EFCAB7: variants seen among roughly 807,000 people sequenced by gnomAD.
EFCAB7 encodes the protein EF-hand calcium binding domain 7, also known as EF-hand calcium-binding domain-containing protein 7.
In EFCAB7, 66 loss-of-function variants were observed where a neutral mutation model predicts 77.1. The ratio of observed to expected loss-of-function variants is 0.86; its 90% CI spans 0.70 to 1.05. The LOEUF (loss-of-function observed/expected upper bound fraction) is 1.05. Ranked by LOEUF, EFCAB7 falls within the 50% of genes least tolerant of loss-of-function variation. The pLI is 0.00. For synonymous variants in EFCAB7, 225 were observed against 243.3 expected, an observed-to-expected ratio of 0.92 and a Z score of 0.70; for missense variants, 638 against 730.5, an observed-to-expected ratio of 0.87 and a Z score of 1.46.
At chr1:63,580,428 A>C in the EFCAB7 span, among the ~76,000 whole-genome samples, 2 of 152,066 alleles carry the variant, frequency 1.3e-5, no homozygotes, top group African/African-American at 2.4e-5. Flanking sequence ...TGTTCCATTG[A>C]TCGATGTGTC....
downstream of EFCAB7, among the ~76,000 whole-genome samples, chr1:63,575,203 T>A (rs17125139): frequency 1.3e-5 from 2 of 151,830 alleles, no homozygotes; most frequent in African/African-American, 4.8e-5. Flanking sequence ...AAATTTAAAG[T>A]TTAAGTATCA....
At chr1:63,550,618 A>C (rs1646952750) in intron 7 of EFCAB7, 1 of 149,962 alleles carries the variant, frequency 6.7e-6, no homozygotes, top group Admixed American at 6.6e-5. Context: ...AGCAACATTA[A>C]AAATAGATTT....
intron 5 of EFCAB7, 102 bp from the exon 6 acceptor site, chr1:63,533,993 T>C: frequency 1.6e-6 from 2 of 1,272,138 alleles, no homozygotes; most frequent in Non-Finnish European, 2.2e-6. Flanking sequence ...ACAAAGAGAA[T>C]CAAAGTAATA....
At chr1:63,537,041 A>G (rs1557673946) in intron 6 of EFCAB7, among the ~76,000 whole-genome samples, 1 of 152,234 alleles carries the variant, frequency 6.6e-6, no homozygotes. Flanking sequence ...TAAACCACAA[A>G]ACCACACAAT....
the EFCAB7 span, among the ~76,000 whole-genome samples, chr1:63,583,938 CAAAAAAA>C: frequency 3.6e-5 from 3 of 82,638 alleles, no homozygotes; most frequent in East Asian, 3.6e-4. Flanking sequence ...TGGATATGGC[CAAAAAAA>C]AAAAAAAAAA....
intron 2 of EFCAB7, among the ~76,000 whole-genome samples, chr1:63,527,424 A>G (rs756321298): frequency 7.1e-4 from 73 of 102,352 alleles, no homozygotes; most frequent in Non-Finnish European, 6.6e-4. Flanking sequence ...CCTTTCATCT[A>G]TATCCTTCTG....
chr1:63,545,913 C>T lies in EFCAB7; in HGVS notation c.805-3C>T, dbSNP rs1288328179. On this transcript the variant is annotated splice_polypyrimidine_tract_variant and splice_region_variant and intron_variant, in intron 6 of 13. Transcript: ENST00000371088. ...TTTGAAATAATTTTTTCCTTCATTT[C>T]AGGACTGGCAACACATGCAATCAAA... The T allele has an allele frequency of 6.2e-7, 1 of 1,611,928 alleles. No individual in the cohort carries two copies. The highest frequency in any genetic ancestry group is 1.7e-4 in the Middle Eastern group (1 of 6,040).
In EFCAB7 at chr1:63,531,858, A is replaced by G; in HGVS notation, c.226A>G (p.Ile76Val). The change falls in exon 3 of 14, where the codon ATT becomes GTT. Residue 76 changes from isoleucine (I) to valine (V), a missense_variant. By Grantham distance (29) the Ile-to-Val change is conservative (BLOSUM62 3). Transcript: ENST00000371088. ...AGGAAGAAATCCATCCCAAAAGACC[A>G]TTAATAAGTATTGGACTCCTCAAAC... ...HAGRNPSQKT[I>V]NKYWTPQTAK... 1 of 1,612,830 alleles carries G rather than the reference A, an allele frequency of 6.2e-7. No homozygotes were observed. Among genetic ancestry groups the G allele is most frequent in the Non-Finnish European group, 8.5e-7 (1 of 1,179,452 alleles).
In EFCAB7 at chr1:63,549,905, A is replaced by G. The variant is rs78135692; in HGVS notation, c.947-1820A>G. On this transcript the variant is annotated intron_variant, in intron 7 of 13. Transcript: ENST00000371088. Reference sequence around the variant, plus strand: ...GGTTTATTTATTTATAAATCATGGAATTTATGCAAAAAACATGAGTAGTAC... The same window carrying G: ...GGTTTATTTATTTATAAATCATGGAGTTTATGCAAAAAACATGAGTAGTAC... 69 of 156,612 alleles carry G rather than the reference A, an allele frequency of 4.4e-4. No homozygotes were observed. In the East Asian group the frequency reaches 0.012, roughly 27 times the overall value. 9.7% of individuals were successfully genotyped at this position (156,612 alleles called of 1,614,324 possible). A position where few individuals can be genotyped will look rare whatever the true frequency, so the allele number is the denominator to read the frequency against.
chr1:63,555,293 G>T, intron 8 of EFCAB7, 65 bp from the exon 9 acceptor site: 1 of 1,488,472 alleles, frequency 6.7e-7, no homozygotes, highest in Non-Finnish European at 9.0e-7. Flanking sequence ...AATATTAAAA[G>T]CTTTAAATTA....
At chr1:63,560,597 A>G (rs996513710) in intron 10 of EFCAB7, among the ~76,000 whole-genome samples, 7 of 144,666 alleles carry the variant, frequency 4.8e-5, no homozygotes, top group African/African-American at 1.8e-4. Context: ...GCTCACTGCA[A>G]CCTCCGCCTC....
At chr1:63,527,022 C>G (rs994307335) in intron 2 of EFCAB7, among the ~76,000 whole-genome samples, 12 of 152,238 alleles carry the variant, frequency 7.9e-5, no homozygotes, top group African/African-American at 2.9e-4. Flanking sequence ...GCCTCGGCCT[C>G]CCAAAGTGCT....
chr1:63,542,882 C>G (rs1646846966), intron 6 of EFCAB7, among the ~76,000 whole-genome samples: 1 of 152,124 alleles, frequency 6.6e-6, no homozygotes, highest in Admixed American at 6.5e-5. Context: ...ATGTGATTTG[C>G]AAATAATTTC....
At chr1:63,570,916 C>T in intron 12 of EFCAB7, 105 bp from the exon 13 acceptor site, 2 of 635,784 alleles carry the variant, frequency 3.1e-6, no homozygotes, top group Non-Finnish European at 5.0e-6. Context: ...ATTTGTAGTG[C>T]ACTATATGAT....
At position 63,534,162 on chromosome 1, in the gene EFCAB7, C is replaced by A. The variant is rs1309248158; in HGVS notation, c.750C>A (p.Thr250=). ...AAACATCTGTTTCCTTCACAGTTACCATGGGGGCTAATGGTAACCGAAACT... is the reference window on the plus strand; with the variant it reads ...AAACATCTGTTTCCTTCACAGTTACAATGGGGGCTAATGGTAACCGAAACT... ...KFKTSVSFTV[T]MGANGNRNSK... is the part of the protein sequence containing the mutation. The change falls in exon 6 of 14, where the codon ACC becomes ACA. Residue 250 remains threonine (T), a synonymous_variant. Coordinates refer to ENST00000371088, the MANE Select transcript of EFCAB7 (RefSeq NM_032437.4). 6.2e-7 allele frequency: 1 copy of A among 1,613,252 alleles called. No individual in the cohort carries two copies. Among genetic ancestry groups the A allele is most frequent in the Admixed American group, 1.7e-5 (1 of 59,970 alleles).
chr1:63,560,895 T>G (rs973310656), intron 10 of EFCAB7, among the ~76,000 whole-genome samples: 1 of 152,216 alleles, frequency 6.6e-6, no homozygotes, highest in African/African-American at 2.4e-5. Context: ...CTCACAATAA[T>G]GCACACAAAA....
chr1:63,551,805 G>A lies in EFCAB7; in HGVS notation c.1027G>A (p.Val343Met). 1 of 1,594,254 alleles carries A rather than the reference G, an allele frequency of 6.3e-7. No individual in the cohort carries two copies. Among genetic ancestry groups the A allele is most frequent in the Non-Finnish European group, 8.5e-7 (1 of 1,170,236 alleles). ...TGAGAGTCAAGCAAATCTACAGCTT[G>A]TGTGTTTTACCGAACTACGAAATAG... ...ENESQANLQL[V>M]CFTELRNREV... is the part of the protein sequence containing the mutation. The change falls in exon 8 of 14, where the codon GTG becomes ATG. Residue 343 changes from valine (V) to methionine (M), a missense_variant. Val to Met is a conservative substitution (Grantham distance 21, BLOSUM62 1). Coordinates refer to ENST00000371088, the MANE Select transcript of EFCAB7 (RefSeq NM_032437.4).
At chr1:63,573,443 G>C (rs974887990), downstream of EFCAB7, among the ~76,000 whole-genome samples, 17 of 152,174 alleles carry the variant, frequency 1.1e-4, no homozygotes, top group Admixed American at 9.2e-4. Context: ...GAGGACCCAG[G>C]ACATCCAATT....
Position 63,531,810 on chromosome 1 carries a change from T to G in EFCAB7, c.188-10T>G. On this transcript the variant is annotated splice_polypyrimidine_tract_variant and intron_variant, in intron 2 of 13. Transcript: ENST00000371088. ...TTACAATCACAAATAATACTTGTCTTGTTGGGCAGCTCTTCAGCATGCAGG... is the reference window on the plus strand; with the variant it reads ...TTACAATCACAAATAATACTTGTCTGGTTGGGCAGCTCTTCAGCATGCAGG... 2 of 1,609,038 alleles carry G rather than the reference T, an allele frequency of 1.2e-6. No individual in the cohort carries two copies. The highest frequency in any genetic ancestry group is 1.3e-5 in the African/African-American group (1 of 74,694).
Sources: gnomAD v4.1 joint callset for allele counts (sites outside exome capture counted in the v4.1 genomes callset) on GRCh38, gnomAD v4.1.1 for gene constraint, MANE v1.5 for transcripts, NCBI Gene and HGNC (gene_info 2026-07-23, HGNC 2026-07-21) for gene names.